Variants in TRIM34 observed in about 807,000 individuals in gnomAD.
The protein encoded by TRIM34 is tripartite motif containing 34.
A neutral mutation model predicts 38.1 loss-of-function variants in TRIM34; 41 were observed. That is an observed-to-expected ratio of 1.08 (90% confidence interval 0.84 to 1.40). TRIM34 has a LOEUF of 1.40. TRIM34 is among the 40% of genes most tolerant of loss of function. The probability of loss-of-function intolerance (pLI) is 0.00; values close to 1 mark genes in which losing one functional copy is unlikely to be tolerated. For missense variants in TRIM34, 556 were observed against 571.4 expected (o/e 0.97, Z 0.27); for synonymous variants, 200 against 202.5 (o/e 0.99, Z 0.10).
chr11:5,640,204 G>A lies in TRIM34; in HGVS notation c.751-963G>A, dbSNP rs535163629. 1.5e-3 allele frequency among the ~76,000 whole-genome samples: 223 copies of A among 152,138 alleles called. 2 individuals carry two copies. In the South Asian group the frequency reaches 0.039, roughly 27 times the overall value. Reference sequence around the variant, plus strand: ...AACATCCTTGTCTTTTCTGATCTTCGGGAAAAAGCATTCAGTTTTTCACCA... The same window carrying A: ...AACATCCTTGTCTTTTCTGATCTTCAGGAAAAAGCATTCAGTTTTTCACCA... On this transcript the variant is annotated intron_variant, in intron 4 of 7. Transcript: ENST00000429814.
chr11:5,640,807 C>T (rs1163504995), intron 4 of TRIM34, among the ~76,000 whole-genome samples: 5 of 152,266 alleles, frequency 3.3e-5, no homozygotes, highest in Middle Eastern at 3.4e-3. Context: ...TCTTTGAATT[C>T]CAACTTAATC....
At position 5,634,765 on chromosome 11, in the gene TRIM34, G is replaced by C; in HGVS notation, c.654G>C (p.Glu218Asp). ...EEKKTLDKFA[E>D]AEDELVQQKQ... ...AGAAGACGCTGGATAAGTTTGCAGA[G>C]GCTGAGGATGAGCTAGTTCAGCAGA... Residue 218 changes from glutamate (E) to aspartate (D), a missense_variant, in exon 4 of 8, where the codon GAG becomes GAC. By Grantham distance (45) the Glu-to-Asp change is conservative (BLOSUM62 2). Transcript: ENST00000429814. The C allele has an allele frequency of 6.2e-7, 1 of 1,614,056 alleles. No individual in the cohort carries two copies. Among genetic ancestry groups the C allele is most frequent in the Non-Finnish European group, 8.5e-7 (1 of 1,179,970 alleles).
At position 5,643,370 on chromosome 11, in the gene TRIM34, T is replaced by C. The variant is rs936004267; in HGVS notation, c.1128T>C (p.Tyr376=). 1.2e-6 allele frequency: 2 copies of C among 1,613,980 alleles called. No individual in the cohort carries two copies. The highest frequency in any genetic ancestry group is 2.7e-5 in the African/African-American group (2 of 74,916). Residue 376 remains tyrosine, a synonymous_variant, in exon 8 of 8, where the codon TAT becomes TAC. Coordinates refer to ENST00000429814, the MANE Select transcript of TRIM34 (RefSeq NM_021616.6). ...GAACATATTCCCGCCATATGAAGTA[T>C]GTTGTTAGAAGATGTGCAAATCGTC... The part of the protein sequence containing the change: ...YCRTYSRHMK[Y]VVRRCANRQN...
At chr11:5,641,132 T>C (rs767974693) in intron 4 of TRIM34, 35 bp from the exon 5 acceptor site, 10 of 1,611,142 alleles carry the variant, frequency 6.2e-6, no homozygotes, top group Non-Finnish European at 8.5e-6. Context: ...CCAGTCTTTA[T>C]ACACTTTGAC....
At chr11:5,620,349 T>C (rs1304831629), upstream of TRIM34, among the ~76,000 whole-genome samples, 1 of 151,678 alleles carries the variant, frequency 6.6e-6, no homozygotes, top group African/African-American at 2.4e-5. Context: ...AGCTAAGCTT[T>C]TGTATTTTTA....
At chr11:5,630,043 C>T (rs2133919057) in intron 1 of TRIM34, among the ~76,000 whole-genome samples, 1 of 152,154 alleles carries the variant, frequency 6.6e-6, no homozygotes, top group Admixed American at 6.5e-5. Context: ...GACCATGTGA[C>T]CATGTGGATG....
At chr11:5,633,409 G>A (rs1849576073) in intron 2 of TRIM34, among the ~76,000 whole-genome samples, 1 of 151,958 alleles carries the variant, frequency 6.6e-6, no homozygotes. Flanking sequence ...AGAAATTTTT[G>A]TCTTGTTTTT....
upstream of TRIM34, among the ~76,000 whole-genome samples, chr11:5,620,418 G>C (rs547799840): frequency 2.0e-3 from 304 of 151,162 alleles, 2 homozygotes; most frequent in African/African-American, 6.9e-3. Flanking sequence ...GGCCAGACTG[G>C]ACTCTAACTC....
upstream of TRIM34, among the ~76,000 whole-genome samples, chr11:5,622,421 G>A (rs955501200): frequency 3.3e-5 from 5 of 151,406 alleles, no homozygotes; most frequent in Non-Finnish European, 5.9e-5. Flanking sequence ...CTCCAGCCTG[G>A]GCGACAGAGC....
chr11:5,641,459 G>A (rs921572448), intron 5 of TRIM34, among the ~76,000 whole-genome samples: 3 of 152,092 alleles, frequency 2.0e-5, no homozygotes, highest in Admixed American at 6.6e-5. Context: ...GTCAGACTTC[G>A]GTGACTTCAC....
intron 4 of TRIM34, among the ~76,000 whole-genome samples, chr11:5,638,138 A>G (rs1368366541): frequency 6.6e-6 from 1 of 152,226 alleles, no homozygotes; most frequent in Non-Finnish European, 1.5e-5. Context: ...ATCTGACCCA[A>G]TCCTGAATGC....
Position 5,642,458 on chromosome 11 carries a change from A to T in TRIM34, c.826A>T (p.Thr276Ser), listed in dbSNP as rs6578670. Reference protein sequence around the residue: ...KPKMVSKKLKTVFHAPDLSRM... With the variant: ...KPKMVSKKLKSVFHAPDLSRM... ...AAAAATGGTTTCCAAGAAACTGAAG[A>T]CTGTATTCCATGCTCCAGATCTGAG... The change falls in exon 6 of 8, where the codon ACT becomes TCT. Residue 276 changes from threonine (T) to serine (S), a missense_variant. Thr to Ser is a moderately conservative substitution (Grantham distance 58). Transcript: ENST00000429814. 1.8e-3 allele frequency: 2,878 copies of T among 1,613,886 alleles called. 31 individuals are homozygous for T. In the African/African-American group the frequency reaches 0.026, roughly 14 times the overall value.
intron 4 of TRIM34, among the ~76,000 whole-genome samples, chr11:5,639,948 C>G (rs1450479400): frequency 6.6e-6 from 1 of 152,096 alleles, no homozygotes; most frequent in African/African-American, 2.4e-5. Flanking sequence ...ATGTATCCAT[C>G]ACCTCAAGCA....
intron 2 of TRIM34, among the ~76,000 whole-genome samples, chr11:5,633,148 T>TTC (rs746392916): frequency 2.0e-3 from 21 of 10,424 alleles, no homozygotes; most frequent in African/African-American, 4.4e-3. Flanking sequence ...TTTTCTTTCT[T>TTC]TTTTTTTTTT....
At chr11:5,634,374 G>GA (rs1849618742) in intron 3 of TRIM34, among the ~76,000 whole-genome samples, 1 of 151,054 alleles carries the variant, frequency 6.6e-6, no homozygotes, top group South Asian at 2.1e-4. Flanking sequence ...AAAATAGTAG[G>GA]AAAAAATAGC....
intron 2 of TRIM34, among the ~76,000 whole-genome samples, chr11:5,633,147 T>C (rs1309610934): frequency 1.2e-4 from 1 of 8,682 alleles, no homozygotes; most frequent in African/African-American, 3.0e-4. Context: ...CTTTTCTTTC[T>C]TTTTTTTTTT....
chr11:5,641,553 C>G (rs1850013169), intron 5 of TRIM34, among the ~76,000 whole-genome samples: 1 of 152,144 alleles, frequency 6.6e-6, no homozygotes, highest in Admixed American at 6.5e-5. Flanking sequence ...AGGGCCTTGT[C>G]AAATCCTAAA....
intron 3 of TRIM34, 139 bp downstream of exon 3, chr11:5,634,038 G>A: frequency 1.1e-6 from 1 of 889,738 alleles, no homozygotes. Context: ...TCCTGTCCCT[G>A]TTGGGGGTGG....
At chr11:5,634,530 C>CACACACACACACACACACACACATAT (rs1491498839) in intron 3 of TRIM34, 101 bp from the exon 4 acceptor site, 13 of 203,910 alleles carry the variant, frequency 6.4e-5, no homozygotes, top group African/African-American at 4.5e-4. Flanking sequence ...CACACACACA[C>CACACACACACACACACACACACATAT]ATATATATAT....
Sources: allele counts gnomAD v4.1 joint callset (sites outside exome capture counted in the v4.1 genomes callset), GRCh38; gene constraint gnomAD v4.1.1; transcripts MANE v1.5; gene names NCBI Gene and HGNC (gene_info 2026-07-23, HGNC 2026-07-21).